SORCS3: variants seen among roughly 807,000 people sequenced by gnomAD.
The protein encoded by SORCS3 is VPS10 domain-containing receptor SorCS3.
SORCS3 carries 57 observed loss-of-function variants against 146.3 expected under a neutral mutation model. The observed-to-expected ratio is 0.39, with a 90% CI of 0.31 to 0.49. SORCS3 has a LOEUF of 0.49. Ranked by LOEUF, SORCS3 falls within the 20% of genes least tolerant of loss-of-function variation. SORCS3 has a pLI of 0.92. For synonymous variants in SORCS3, 653 were observed against 618.5 expected, an observed-to-expected ratio of 1.06 and a Z score of -0.83; for missense variants, 1,341 against 1,575.5, an observed-to-expected ratio of 0.85 and a Z score of 2.52.
chr10:105,216,487 T>C (rs2119654136), intron 18 of SORCS3, among the ~76,000 whole-genome samples: 1 of 152,066 alleles, frequency 6.6e-6, no homozygotes, highest in South Asian at 2.1e-4. Flanking sequence ...CCCAGACAAA[T>C]GGGGACAAAA....
At chr10:105,218,293 T>C (rs1015322986) in intron 19 of SORCS3, among the ~76,000 whole-genome samples, 4 of 152,238 alleles carry the variant, frequency 2.6e-5, no homozygotes, top group South Asian at 2.1e-4. Context: ...TTAAAATGGC[T>C]TAATTCTGAC....
intron 14 of SORCS3, among the ~76,000 whole-genome samples, chr10:105,193,027 T>C (rs1175296659): frequency 1.3e-5 from 2 of 152,184 alleles, no homozygotes; most frequent in African/African-American, 2.4e-5. Context: ...ATCATTTAAT[T>C]AATGAGTAGC....
chr10:104,963,407 A>G (rs913385032), intron 3 of SORCS3, among the ~76,000 whole-genome samples: 2 of 152,124 alleles, frequency 1.3e-5, no homozygotes, highest in Non-Finnish European at 2.9e-5. Context: ...TGCATTTGAC[A>G]CAGCTGGACA....
intron 2 of SORCS3, among the ~76,000 whole-genome samples, chr10:104,900,718 G>A (rs756635498): frequency 7.9e-5 from 12 of 151,936 alleles, no homozygotes; most frequent in African/African-American, 4.8e-5. Flanking sequence ...GTGAAACCCC[G>A]TCTCTACTAA....
At chr10:105,181,086 T>C (rs1477592557) in intron 14 of SORCS3, among the ~76,000 whole-genome samples, 1 of 152,224 alleles carries the variant, frequency 6.6e-6, no homozygotes, top group Non-Finnish European at 1.5e-5. Flanking sequence ...AGGGAGGATC[T>C]TTGTGTATCT....
intron 20 of SORCS3, among the ~76,000 whole-genome samples, chr10:105,225,924 A>G (rs893814990): frequency 2.0e-5 from 3 of 151,972 alleles, no homozygotes; most frequent in Non-Finnish European, 4.4e-5. Flanking sequence ...TGTATTCCGC[A>G]ACTTTACTGA....
chr10:105,080,782 C>G (rs543424354), intron 5 of SORCS3, among the ~76,000 whole-genome samples: 1 of 151,964 alleles, frequency 6.6e-6, no homozygotes, highest in Non-Finnish European at 1.5e-5. Flanking sequence ...ATCCCAGCAC[C>G]AAAACAGCAT....
chr10:104,782,428 C>T (rs566252827), intron 1 of SORCS3, among the ~76,000 whole-genome samples: 11 of 152,252 alleles, frequency 7.2e-5, no homozygotes, highest in African/African-American at 2.4e-4. Flanking sequence ...CCCTGAGCAT[C>T]CTGTCACTGG....
chr10:105,127,056 G>A (rs531343811), intron 7 of SORCS3, among the ~76,000 whole-genome samples: 1 of 152,228 alleles, frequency 6.6e-6, no homozygotes, highest in Admixed American at 6.5e-5. Flanking sequence ...ATTGACAAAT[G>A]TAAGACATAG....
At chr10:104,805,462 G>T (rs2017670084) in intron 1 of SORCS3, among the ~76,000 whole-genome samples, 1 of 152,212 alleles carries the variant, frequency 6.6e-6, no homozygotes, top group Non-Finnish European at 1.5e-5. Flanking sequence ...GGCTAGAAGA[G>T]TGTGGAAGAC....
At chr10:105,188,745 T>C (rs1589679890) in intron 14 of SORCS3, among the ~76,000 whole-genome samples, 2 of 152,328 alleles carry the variant, frequency 1.3e-5, no homozygotes, top group East Asian at 3.9e-4. Context: ...CTGTGACCTT[T>C]TGTGAAATGA....
chr10:105,161,293 G>T (rs1240410209), intron 11 of SORCS3, among the ~76,000 whole-genome samples: 1 of 152,104 alleles, frequency 6.6e-6, no homozygotes, highest in Non-Finnish European at 1.5e-5. Context: ...GCTTGCCCTG[G>T]ACACCTTGGG....
At chr10:104,687,803 G>C (rs2016063271) in intron 1 of SORCS3, among the ~76,000 whole-genome samples, 1 of 152,136 alleles carries the variant, frequency 6.6e-6, no homozygotes, top group Non-Finnish European at 1.5e-5. Flanking sequence ...CTTCCTAGCT[G>C]TGTGCCCTAA....
At chr10:104,742,320 G>C (rs1194428029) in intron 1 of SORCS3, among the ~76,000 whole-genome samples, 1 of 152,210 alleles carries the variant, frequency 6.6e-6, no homozygotes, top group African/African-American at 2.4e-5. Context: ...TCCATTTGGT[G>C]CTGGGTGACA....
intron 25 of SORCS3, among the ~76,000 whole-genome samples, chr10:105,258,509 G>A (rs1043144989): frequency 4.6e-5 from 7 of 152,210 alleles, no homozygotes; most frequent in African/African-American, 1.4e-4. Context: ...TCCCAGAGCA[G>A]CATAGTTGCT....
At chr10:105,007,843 G>A (rs2055106876) in intron 4 of SORCS3, among the ~76,000 whole-genome samples, 1 of 152,152 alleles carries the variant, frequency 6.6e-6, no homozygotes, top group Admixed American at 6.6e-5. Flanking sequence ...AGCTCAGAAG[G>A]CAGGAAAGAA....
chr10:105,184,063 G>A (rs1397132190), intron 14 of SORCS3, among the ~76,000 whole-genome samples: 3 of 152,186 alleles, frequency 2.0e-5, no homozygotes, highest in Non-Finnish European at 1.5e-5. Flanking sequence ...TGGACATGTT[G>A]GTAATCTCTG....
At chr10:105,250,387 T>G (rs1426810273) in intron 22 of SORCS3, among the ~76,000 whole-genome samples, 1 of 152,204 alleles carries the variant, frequency 6.6e-6, no homozygotes, top group Non-Finnish European at 1.5e-5. Flanking sequence ...ACTAGCTTTT[T>G]AGGAAATAAC....
chr10:104,672,123 G>A (rs187224307), intron 1 of SORCS3, among the ~76,000 whole-genome samples: 1 of 152,214 alleles, frequency 6.6e-6, no homozygotes, highest in East Asian at 1.9e-4. Context: ...TTTTTTGGAA[G>A]ATTTTCGGCT....
Sources: gnomAD v4.1 joint callset for allele counts (sites outside exome capture counted in the v4.1 genomes callset) on GRCh38, gnomAD v4.1.1 for gene constraint, MANE v1.5 for transcripts, NCBI Gene and HGNC (gene_info 2026-07-23, HGNC 2026-07-21) for gene names.